Variants in CYS1 observed in about 807,000 individuals in gnomAD.
CYS1 encodes cystin 1, also known as cystin-1.
CYS1 carries 5 observed loss-of-function variants against 9.6 expected under a neutral mutation model. The ratio of observed to expected loss-of-function variants is 0.52; its 90% confidence interval spans 0.27 to 1.10. The LOEUF (loss-of-function observed/expected upper bound fraction) is 1.10, where lower values mean the gene tolerates loss of function less well. CYS1 is among the 50% of genes least tolerant of loss of function. The pLI is 0.11. For missense variants in CYS1, 221 were observed against 207.9 expected (o/e 1.06, Z -0.39); for synonymous variants, 88 against 95.7 (o/e 0.92, Z 0.47).
intron 1 of CYS1, among the ~76,000 whole-genome samples, chr2:10,074,230 C>A (rs139006110): frequency 6.6e-6 from 1 of 152,178 alleles, no homozygotes; most frequent in Non-Finnish European, 1.5e-5. Flanking sequence ...GGACAGCCCA[C>A]GGAAATTATC....
At chr2:10,068,451 G>A (rs149714650) in intron 1 of CYS1, among the ~76,000 whole-genome samples, 1 of 152,290 alleles carries the variant, frequency 6.6e-6, no homozygotes, top group Non-Finnish European at 1.5e-5. Context: ...TCCAGAGAGG[G>A]GATGCATTTG....
intron 1 of CYS1, among the ~76,000 whole-genome samples, chr2:10,073,360 G>C (rs962497451): frequency 5.3e-5 from 8 of 152,168 alleles, no homozygotes; most frequent in Non-Finnish European, 7.3e-5. Flanking sequence ...TGAGAGACTT[G>C]TCCGTGCTAA....
intron 1 of CYS1, among the ~76,000 whole-genome samples, chr2:10,079,149 T>TG (rs144880168): frequency 0.015 from 2,269 of 152,192 alleles, 51 homozygotes; most frequent in African/African-American, 0.052. Context: ...CACTGTCGCC[T>TG]GGGGCTGTCC....
chr2:10,073,317 A>C (rs1661800104), intron 1 of CYS1, among the ~76,000 whole-genome samples: 1 of 150,968 alleles, frequency 6.6e-6, no homozygotes, highest in Non-Finnish European at 1.5e-5. Context: ...AAGGCAAGGG[A>C]GACCCAGAGA....
intron 1 of CYS1, among the ~76,000 whole-genome samples, chr2:10,072,873 G>A (rs1467176018): frequency 1.3e-5 from 2 of 152,172 alleles, no homozygotes; most frequent in Non-Finnish European, 1.5e-5. Context: ...GTGGGGGAGC[G>A]GTGCAGGCAG....
intron 1 of CYS1, among the ~76,000 whole-genome samples, chr2:10,071,273 A>T (rs559501289): frequency 2.6e-5 from 4 of 152,236 alleles, no homozygotes; most frequent in African/African-American, 9.6e-5. Context: ...GGCTCTGAGA[A>T]CCTCTTAAAG....
rs1008615342 is a variant in CYS1, at chr2:10,070,093, C to T, written c.319-4137G>A. ...AGGCCAAACACACACCCTGAAGTCA[C>T]GCACTTCTATTTCTAGGGTCACTGT... is the stretch of plus-strand genomic sequence containing the variant. On this transcript the variant is annotated intron_variant, in intron 1 of 2. Coordinates refer to ENST00000381813, the MANE Select transcript of CYS1 (RefSeq NM_001037160.3). Among the ~76,000 whole-genome samples the T allele has an allele frequency of 1.1e-4, 16 of 152,320 alleles. No individual in the cohort carries two copies. In the East Asian group the frequency reaches 1.4e-3, roughly 13 times the overall value.
chr2:10,068,936 C>T (rs112789201), intron 1 of CYS1, among the ~76,000 whole-genome samples: 1 of 152,074 alleles, frequency 6.6e-6, no homozygotes, highest in African/African-American at 2.4e-5. Context: ...GTGGCGGGCA[C>T]CTCTAATCCC....
chr2:10,074,637 T>G (rs948794156), intron 1 of CYS1, among the ~76,000 whole-genome samples: 2 of 152,248 alleles, frequency 1.3e-5, no homozygotes, highest in African/African-American at 4.8e-5. Context: ...CCTCTTCTAA[T>G]TTTTAAAATA....
At chr2:10,072,136 T>G (rs1291290184) in intron 1 of CYS1, among the ~76,000 whole-genome samples, 4 of 151,622 alleles carry the variant, frequency 2.6e-5, no homozygotes, top group Admixed American at 6.6e-5. Flanking sequence ...CAGGCTGGAG[T>G]GCAATGGTGG....
rs1661559910 is a variant in CYS1 at position 10,056,986 on chromosome 2, T to C, written c.*1867A>G. On this transcript the variant is annotated 3_prime_UTR_variant, in exon 3 of 3. Coordinates refer to ENST00000381813, the MANE Select transcript of CYS1 (RefSeq NM_001037160.3). ...CATTTACTTTGACATTGATATAGCTTGTAACTACTTTTGGAATTTTTTTCC... is the reference window on the plus strand; with the variant it reads ...CATTTACTTTGACATTGATATAGCTCGTAACTACTTTTGGAATTTTTTTCC... 2 of 152,360 alleles carry C rather than the reference T, an allele frequency of 1.3e-5. No homozygotes were observed. Among genetic ancestry groups the C allele is most frequent in the Middle Eastern group, 3.4e-3 (1 of 294 alleles). The allele number at this position is 152,360 out of a possible 1,614,324, so 9.4% of individuals were successfully genotyped here. A position where few individuals can be genotyped will look rare whatever the true frequency, so the allele number is the denominator to read the frequency against.
At chr2:10,066,695 C>T (rs893744517) in intron 1 of CYS1, among the ~76,000 whole-genome samples, 1 of 152,222 alleles carries the variant, frequency 6.6e-6, no homozygotes, top group East Asian at 1.9e-4. Context: ...GGCACTTCCA[C>T]GTACAGGTGC....
intron 1 of CYS1, among the ~76,000 whole-genome samples, chr2:10,069,351 A>G (rs1226084735): frequency 6.6e-6 from 1 of 152,144 alleles, no homozygotes; most frequent in Non-Finnish European, 1.5e-5. Context: ...AGGAAAAAAA[A>G]TTAATTATTT....
At chr2:10,066,259 T>C (rs1325658170) in intron 1 of CYS1, among the ~76,000 whole-genome samples, 2 of 152,180 alleles carry the variant, frequency 1.3e-5, no homozygotes, top group Non-Finnish European at 2.9e-5. Context: ...CCAGGGGTCA[T>C]GTGACCCACT....
At chr2:10,074,283 C>G (rs1661814043) in intron 1 of CYS1, among the ~76,000 whole-genome samples, 1 of 152,254 alleles carries the variant, frequency 6.6e-6, no homozygotes, top group African/African-American at 2.4e-5. Flanking sequence ...CTAGGCCCAT[C>G]CTGTTAATAG....
At chr2:10,067,366 A>C (rs544083555) in intron 1 of CYS1, among the ~76,000 whole-genome samples, 1 of 151,394 alleles carries the variant, frequency 6.6e-6, no homozygotes, top group South Asian at 2.1e-4. Context: ...TTGATGCTTC[A>C]GAAATGACTG....
chr2:10,072,952 G>A (rs952806936), intron 1 of CYS1, among the ~76,000 whole-genome samples: 2 of 151,362 alleles, frequency 1.3e-5, no homozygotes, highest in African/African-American at 4.9e-5. Context: ...GGTCTGCGCG[G>A]GGGAGCAGTG....
chr2:10,069,790 A>G (rs980372168), intron 1 of CYS1, among the ~76,000 whole-genome samples: 6 of 152,226 alleles, frequency 3.9e-5, no homozygotes, highest in African/African-American at 1.4e-4. Flanking sequence ...GCAACCTGTC[A>G]GTGTCCAAAG....
chr2:10,058,291 G>A lies in CYS1; in HGVS notation c.*562C>T, dbSNP rs998937509. The A allele has an allele frequency of 3.3e-5, 5 of 152,498 alleles. No homozygotes were observed. Among genetic ancestry groups the A allele is most frequent in the African/African-American group, 4.8e-5 (2 of 41,442 alleles). The allele number at this position is 152,498 out of a possible 1,614,324, so 9.4% of individuals were successfully genotyped here. ...GCTTCGGAGCTCGGGCCTGGGCTGG[G>A]AGCTGGTTAGACGTACAGAACCTCA... On this transcript the variant is annotated 3_prime_UTR_variant, in exon 3 of 3. Transcript: ENST00000381813.
Sources: gnomAD v4.1 joint callset for allele counts (sites outside exome capture counted in the v4.1 genomes callset) on GRCh38, gnomAD v4.1.1 for gene constraint, MANE v1.5 for transcripts, NCBI Gene and HGNC (gene_info 2026-07-23, HGNC 2026-07-21) for gene names.